B3GALNT2: variants seen among roughly 807,000 people sequenced by gnomAD.
B3GALNT2 encodes beta-1,3-N-acetylgalactosaminyltransferase 2.
B3GALNT2 carries 53 observed loss-of-function variants against 61.1 expected under a neutral mutation model. That is an observed-to-expected ratio of 0.87 (90% CI 0.70 to 1.09). B3GALNT2 has a LOEUF of 1.09. Among genes scored for constraint, B3GALNT2 ranks in the 50% least tolerant of loss-of-function variants. The pLI is 0.00. For missense variants in B3GALNT2, 544 were observed against 623.0 expected (o/e 0.87, Z 1.35); for synonymous variants, 223 against 237.4 (o/e 0.94, Z 0.56).
At position 235,458,905 on chromosome 1, in the gene B3GALNT2, T is replaced by C. The variant is rs569958654; in HGVS notation, c.842-119A>G. 4 of 937,938 alleles carry C rather than the reference T, an allele frequency of 4.3e-6. No individual in the cohort carries two copies. The East Asian group carries it at 8.7e-5, about 20-fold the overall frequency. The allele number at this position is 937,938 out of a possible 1,614,324, so 58.1% of individuals were successfully genotyped here. A position where few individuals can be genotyped will look rare whatever the true frequency, so the allele number is the denominator to read the frequency against. Reference sequence around the variant, plus strand: ...ACCCAGCAGAAACACATGCAGTTGTTTGGAACTTTAGGTAGAAAAATGGGA... The same window carrying C: ...ACCCAGCAGAAACACATGCAGTTGTCTGGAACTTTAGGTAGAAAAATGGGA... On this transcript the variant is annotated intron_variant, in intron 7 of 11. Coordinates refer to ENST00000366600, the MANE Select transcript of B3GALNT2 (RefSeq NM_152490.5).
At chr1:235,501,235 C>T (rs1685568256) in intron 1 of B3GALNT2, among the ~76,000 whole-genome samples, 2 of 152,208 alleles carry the variant, frequency 1.3e-5, no homozygotes, top group Non-Finnish European at 2.9e-5. Flanking sequence ...TTATCTCCAC[C>T]TGCATTTTCC....
chr1:235,490,526 C>T (rs985384460), intron 2 of B3GALNT2, among the ~76,000 whole-genome samples: 9 of 152,028 alleles, frequency 5.9e-5, no homozygotes, highest in African/African-American at 1.4e-4. Flanking sequence ...CCACTGTGTC[C>T]GGACCTGAAT....
chr1:235,450,188 T>C lies in B3GALNT2; in HGVS notation c.*18A>G, dbSNP rs778188092. On this transcript the variant is annotated 3_prime_UTR_variant, in exon 12 of 12. Transcript: ENST00000366600. ...GTTTGCCTGCCCTGATTTTAGACTC[T>C]GCTAATTCAAGTCCCTGTTATCTTG... 1 of 1,614,012 alleles carries C rather than the reference T, an allele frequency of 6.2e-7. No homozygotes were observed. Among genetic ancestry groups the C allele is most frequent in the Admixed American group, 1.7e-5 (1 of 60,016 alleles).
At chr1:235,474,440 T>A (rs1684142205) in intron 5 of B3GALNT2, among the ~76,000 whole-genome samples, 1 of 152,216 alleles carries the variant, frequency 6.6e-6, no homozygotes, top group South Asian at 2.1e-4. Context: ...CTTAAATATA[T>A]ACAGTACTTC....
chr1:235,465,850 G>A, intron 6 of B3GALNT2, 136 bp from the exon 7 acceptor site: 1 of 943,138 alleles, frequency 1.1e-6, no homozygotes, highest in South Asian at 1.7e-5. Context: ...GTGCACTGGA[G>A]GCTTATAATA....
intron 5 of B3GALNT2, among the ~76,000 whole-genome samples, chr1:235,475,473 G>A (rs1427275864): frequency 2.0e-5 from 3 of 152,038 alleles, no homozygotes; most frequent in Non-Finnish European, 4.4e-5. Flanking sequence ...AAGTGTGGAG[G>A]GAATACGATG....
the B3GALNT2 span, among the ~76,000 whole-genome samples, chr1:235,439,985 T>G: frequency 1.3e-5 from 2 of 151,722 alleles, no homozygotes; most frequent in South Asian, 4.2e-4. Flanking sequence ...TATATTTATT[T>G]TTTGAGACGG....
chr1:235,458,081 T>A (rs1025291558), intron 8 of B3GALNT2, among the ~76,000 whole-genome samples: 1 of 151,916 alleles, frequency 6.6e-6, no homozygotes, highest in Admixed American at 6.6e-5. Context: ...CTAATTTTTG[T>A]ATTTTTAGTA....
Position 235,448,602 on chromosome 1 carries a change from A to AGTAT in B3GALNT2, c.*1600_*1603dup. ...CTGCCTGGGGACGGGGTGGGGGAAG[A>AGTAT]GTATGTGTAGCATGCTTTATCGGAT... On this transcript the variant is annotated 3_prime_UTR_variant, in exon 12 of 12. Coordinates refer to ENST00000366600, the MANE Select transcript of B3GALNT2 (RefSeq NM_152490.5). 1.4e-6 allele frequency: 2 copies of AGTAT among 1,426,766 alleles called. No homozygotes were observed. The highest frequency in any genetic ancestry group is 2.0e-6 in the Non-Finnish European group (2 of 1,009,766). 88.4% of individuals were successfully genotyped at this position (1,426,766 alleles called of 1,614,324 possible). A position where few individuals can be genotyped will look rare whatever the true frequency, so the allele number is the denominator to read the frequency against.
downstream of B3GALNT2, among the ~76,000 whole-genome samples, chr1:235,445,033 G>T (rs1169864254): frequency 1.3e-5 from 2 of 152,196 alleles, no homozygotes; most frequent in African/African-American, 4.8e-5. Flanking sequence ...GCCATTTTGG[G>T]AACACCCACT....
intron 5 of B3GALNT2, among the ~76,000 whole-genome samples, chr1:235,478,297 C>T (rs1184138971): frequency 2.6e-5 from 4 of 152,154 alleles, no homozygotes; most frequent in East Asian, 1.9e-4. Flanking sequence ...GTGATCCACC[C>T]GCCTTGGCCT....
Position 235,472,866 on chromosome 1 carries a change from A to AT in B3GALNT2, c.652-1907dup, listed in dbSNP as rs567803655. Reference sequence around the variant, plus strand: ...TAAGCTAGGTCAGTGGTTTATAAACATTTTTTTCCCTCTGCACAGAGTGAT... The same window carrying AT: ...TAAGCTAGGTCAGTGGTTTATAAACATTTTTTTTCCCTCTGCACAGAGTGAT... On this transcript the variant is annotated intron_variant, in intron 5 of 11. Transcript: ENST00000366600. 8.6e-4 allele frequency among the ~76,000 whole-genome samples: 131 copies of AT among 151,720 alleles called. 1 individual carries two copies. The East Asian group carries it at 0.025, about 28-fold the overall frequency.
chr1:235,448,781 T>TAAAG lies in B3GALNT2; in HGVS notation c.*1421_*1424dup, dbSNP rs766703830. The TAAAG allele has an allele frequency of 9.7e-5, 148 of 1,529,040 alleles. No homozygotes were observed. In the Middle Eastern group the frequency reaches 1.7e-3, roughly 17 times the overall value. 94.7% of individuals were successfully genotyped at this position (1,529,040 alleles called of 1,614,324 possible). ...ATGGTGACAACCAACTAATAAAATT[T>TAAAG]AAAGACCACACTGCTTATCGTGTCT... On this transcript the variant is annotated 3_prime_UTR_variant, in exon 12 of 12. Transcript: ENST00000366600.
chr1:235,468,374 TATA>T (rs1232512558), intron 6 of B3GALNT2, among the ~76,000 whole-genome samples: 3 of 152,026 alleles, frequency 2.0e-5, no homozygotes, highest in African/African-American at 7.2e-5. Flanking sequence ...TTTAGCCCTC[TATA>T]ATAATTTTTA....
intron 6 of B3GALNT2, 124 bp downstream of exon 6, chr1:235,470,726 T>C: frequency 1.4e-6 from 2 of 1,389,678 alleles, no homozygotes; most frequent in Non-Finnish European, 1.9e-6. Flanking sequence ...CTACTATATA[T>C]GTTGTAAAAC....
At chr1:235,469,706 C>T (rs888778829) in intron 6 of B3GALNT2, among the ~76,000 whole-genome samples, 1 of 150,764 alleles carries the variant, frequency 6.6e-6, no homozygotes, top group South Asian at 2.1e-4. Flanking sequence ...GCATGCACCA[C>T]CAGGCCCAGC....
At chr1:235,504,099 C>A (rs1572574656) in intron 1 of B3GALNT2, 42 bp downstream of exon 1, 3 of 854,556 alleles carry the variant, frequency 3.5e-6, no homozygotes, top group Non-Finnish European at 2.7e-6. Flanking sequence ...GGGCCTCCCA[C>A]CCCCCCGGCG....
At chr1:235,461,578 G>A (rs1043293244) in intron 7 of B3GALNT2, among the ~76,000 whole-genome samples, 4 of 132,366 alleles carry the variant, frequency 3.0e-5, no homozygotes, top group Non-Finnish European at 4.6e-5. Context: ...GTGCAGTAGC[G>A]CTATCTCGGC....
intron 7 of B3GALNT2, among the ~76,000 whole-genome samples, chr1:235,461,838 A>C (rs1288998567): frequency 6.6e-6 from 1 of 152,088 alleles, no homozygotes; most frequent in East Asian, 1.9e-4. Context: ...TAGACTTACA[A>C]TTTTTGGACT....
Sources: gnomAD v4.1 joint callset for allele counts (sites outside exome capture counted in the v4.1 genomes callset) on GRCh38, gnomAD v4.1.1 for gene constraint, MANE v1.5 for transcripts, NCBI Gene and HGNC (gene_info 2026-07-23, HGNC 2026-07-21) for gene names.